TRIM5: variants seen among roughly 807,000 people sequenced by gnomAD.
TRIM5 encodes tripartite motif-containing protein 5.
In TRIM5, 31 loss-of-function variants were observed where a neutral mutation model predicts 35.6. The observed-to-expected ratio is 0.87, with a 90% CI of 0.65 to 1.18. The LOEUF is 1.18. Ranked by LOEUF, TRIM5 falls within the 50% of genes most tolerant of loss-of-function variation. The pLI is 0.00. For synonymous variants in TRIM5, 243 were observed against 215.6 expected (o/e 1.13, Z -1.11); for missense variants, 609 against 591.6 (o/e 1.03, Z -0.31).
the TRIM5 span, chr11:5,604,663 C>T: frequency 1.2e-6 from 2 of 1,600,050 alleles, no homozygotes; most frequent in Non-Finnish European, 1.7e-6. Flanking sequence ...TGTCCTGGGG[C>T]AGGAATCATG....
At chr11:5,676,833 A>T (rs1326448712) in intron 4 of TRIM5, among the ~76,000 whole-genome samples, 3 of 150,964 alleles carry the variant, frequency 2.0e-5, no homozygotes, top group Non-Finnish European at 3.0e-5. Context: ...GACAAACCTG[A>T]GAAAAACAAG....
chr11:5,680,423 C>T (rs184871791), intron 1 of TRIM5, among the ~76,000 whole-genome samples, 185 bp from the exon 2 acceptor site: 1 of 152,336 alleles, frequency 6.6e-6, no homozygotes, highest in East Asian at 1.9e-4. Context: ...AAATACTTTA[C>T]TGCCAGTTCA....
the TRIM5 span, among the ~76,000 whole-genome samples, chr11:5,624,099 G>A: frequency 6.6e-6 from 1 of 152,094 alleles, no homozygotes; most frequent in Non-Finnish European, 1.5e-5. Context: ...CTCCTCGTTC[G>A]GTTTGATTTC....
chr11:5,666,512 G>A (rs1851151213), intron 5 of TRIM5, among the ~76,000 whole-genome samples: 1 of 152,202 alleles, frequency 6.6e-6, no homozygotes, highest in Admixed American at 6.5e-5. Context: ...TAGAAAGTGA[G>A]GTTGCAGAAC....
Position 5,663,497 on chromosome 11 carries a change from CAG to C in TRIM5, c.*1310_*1311del. 1 of 985,252 alleles carries C rather than the reference CAG, an allele frequency of 1.0e-6. No homozygotes were observed. Among genetic ancestry groups the C allele is most frequent in the Non-Finnish European group, 1.2e-6 (1 of 829,778 alleles). 61.0% of individuals were successfully genotyped at this position (985,252 alleles called of 1,614,324 possible). ...CACAACCTGTTCCATGAGACATTAA[CAG>C]AGTTTATGTTTTTCAATAATTTGTA... On this transcript the variant is annotated 3_prime_UTR_variant, in exon 8 of 8. Coordinates refer to ENST00000380034, the MANE Select transcript of TRIM5 (RefSeq NM_033034.3).
chr11:5,603,182 C>T, the TRIM5 span: 1 of 1,558,400 alleles, frequency 6.4e-7, no homozygotes, highest in South Asian at 1.2e-5. Context: ...ACTGGGCAGT[C>T]AGTATTCCCT....
chr11:5,610,857 G>T, the TRIM5 span: 1 of 1,614,212 alleles, frequency 6.2e-7, no homozygotes, highest in Non-Finnish European at 8.5e-7. Flanking sequence ...GTTTGTGGGA[G>T]CTAAAGTATC....
chr11:5,617,721 C>T, the TRIM5 span, among the ~76,000 whole-genome samples: 1 of 145,038 alleles, frequency 6.9e-6, no homozygotes, highest in East Asian at 2.2e-4. Context: ...AACTCCTGAC[C>T]TCAGGTGATC....
At chr11:5,639,684 A>C in the TRIM5 span, among the ~76,000 whole-genome samples, 1 of 142,720 alleles carries the variant, frequency 7.0e-6, no homozygotes, top group Non-Finnish European at 1.5e-5. Context: ...TATTTCAAAA[A>C]AAAAAAAAAA....
At chr11:5,680,700 G>T (rs1381093537) in intron 1 of TRIM5, among the ~76,000 whole-genome samples, 1 of 152,146 alleles carries the variant, frequency 6.6e-6, no homozygotes, top group Non-Finnish European at 1.5e-5. Context: ...CTCCTTACAT[G>T]TTATATTATC....
the TRIM5 span, among the ~76,000 whole-genome samples, chr11:5,657,661 TATATTTATAATATA>T: frequency 3.8e-5 from 4 of 104,254 alleles, no homozygotes; most frequent in African/African-American, 1.2e-4. Context: ...ATATATAATA[TATATTTATAATATA>T]ATATATATAT....
chr11:5,677,095 T>G (rs984914072), intron 4 of TRIM5, among the ~76,000 whole-genome samples: 10 of 151,658 alleles, frequency 6.6e-5, no homozygotes, highest in Middle Eastern at 3.4e-3. Context: ...AAGACAAAAT[T>G]GACAAATGGG....
chr11:5,680,173 G>A lies in TRIM5; in HGVS notation c.5C>T (p.Ala2Val), dbSNP rs1447303932. 4 of 1,601,612 alleles carry A rather than the reference G, an allele frequency of 2.5e-6. No homozygotes were observed. The highest frequency in any genetic ancestry group is 2.2e-5 in the East Asian group (1 of 44,768). The change falls in exon 2 of 8, where the codon GCT becomes GTT. Residue 2 changes from alanine to valine, a missense_variant. Coordinates refer to ENST00000380034, the MANE Select transcript of TRIM5 (RefSeq NM_033034.3). ...CTTTACATTAACCAGGATTCCAGAA[G>A]CCATAGTAGCTATTCCACTGCTCCT... M[A>V]SGILVNVKEE...
At chr11:5,639,679 CAAAAAAAAAAAAAA>C in the TRIM5 span, among the ~76,000 whole-genome samples, 2 of 51,130 alleles carry the variant, frequency 3.9e-5, no homozygotes, top group African/African-American at 8.7e-5. Context: ...GACTCTATTT[CAAAAAAAAAAAAAA>C]AAAAAAAAAA....
chr11:5,661,897 T>C (rs534237839), downstream of TRIM5, among the ~76,000 whole-genome samples: 11 of 152,344 alleles, frequency 7.2e-5, no homozygotes, highest in East Asian at 1.9e-3. Flanking sequence ...GTCTTTATTG[T>C]TGTGTAACTG....
the TRIM5 span, chr11:5,589,497 T>C: frequency 6.6e-6 from 1 of 152,200 alleles, no homozygotes; most frequent in Non-Finnish European, 1.5e-5. Flanking sequence ...CTTGTATTTA[T>C]GTGTGTTTTT....
chr11:5,597,549 T>A, the TRIM5 span, among the ~76,000 whole-genome samples: 1 of 151,920 alleles, frequency 6.6e-6, no homozygotes, highest in East Asian at 1.9e-4. Context: ...TAAAAAAAAA[T>A]GTTATTCCTA....
chr11:5,627,101 G>C, the TRIM5 span, among the ~76,000 whole-genome samples: 177 of 152,152 alleles, frequency 1.2e-3, 3 homozygotes, highest in South Asian at 0.035. Flanking sequence ...GTGATGGGTG[G>C]GCACAGTAGC....
chr11:5,671,901 CTAATA>C (rs1208631495), intron 4 of TRIM5, among the ~76,000 whole-genome samples: 2 of 152,018 alleles, frequency 1.3e-5, no homozygotes, highest in Admixed American at 6.6e-5. Context: ...AGTTAAATAA[CTAATA>C]TGAGACCCAC....
Sources: allele counts gnomAD v4.1 joint callset (sites outside exome capture counted in the v4.1 genomes callset), GRCh38; gene constraint gnomAD v4.1.1; transcripts MANE v1.5; gene names NCBI Gene and HGNC (gene_info 2026-07-23, HGNC 2026-07-21).